ANKH: variants seen among roughly 807,000 people sequenced by gnomAD.
ANKH encodes the protein ANKH inorganic pyrophosphate transport regulator.
A neutral mutation model predicts 49.0 loss-of-function variants in ANKH; 15 were observed. That is an observed-to-expected ratio of 0.31 (90% CI 0.20 to 0.47). The LOEUF (loss-of-function observed/expected upper bound fraction) is 0.47. Among genes scored for constraint, ANKH ranks in the 20% least tolerant of loss-of-function variants. The pLI, the probability that ANKH is intolerant of heterozygous loss-of-function variation, is 1.00. For missense variants in ANKH, 429 were observed against 652.0 expected, an observed-to-expected ratio of 0.66 and a Z score of 3.72; for synonymous variants, 273 against 260.0, an observed-to-expected ratio of 1.05 and a Z score of -0.48.
chr5:14,804,853 A>G lies in ANKH; in HGVS notation c.97-35662T>C, dbSNP rs149656710. 7.9e-3 allele frequency among the ~76,000 whole-genome samples: 1,201 copies of G among 152,366 alleles called. 54 individuals carry two copies. The highest frequency in any genetic ancestry group is 0.063 in the Admixed American group (965 of 15,306). On this transcript the variant is annotated intron_variant, in intron 1 of 11. Coordinates refer to ENST00000284268, the MANE Select transcript of ANKH (RefSeq NM_054027.6). ...TCTCTGGCACATCTGGCTTTGGGAT[A>G]TTAGAGTAATCACTGGGACGTCTTG...
At chr5:14,748,675 T>G (rs967910988) in intron 6 of ANKH, among the ~76,000 whole-genome samples, 4 of 152,178 alleles carry the variant, frequency 2.6e-5, no homozygotes, top group African/African-American at 9.7e-5. Context: ...AGGTGGCACA[T>G]GCAGGATGGT....
At chr5:14,752,395 T>C (rs754359109) in intron 4 of ANKH, among the ~76,000 whole-genome samples, 1 of 152,240 alleles carries the variant, frequency 6.6e-6, no homozygotes, top group East Asian at 1.9e-4. Context: ...TACTAACCTA[T>C]AAAACTAGAA....
Position 14,716,780 on chromosome 5 carries a change from A to T in ANKH, c.1067T>A (p.Ile356Asn), listed in dbSNP as rs1314481474. ...TGCAAAGGCAAAGTCCACTCCGATG[A>T]TGTCTATCAAGATTTTCTCAGACAC... ...PNVSEKILIDIIGVDFAFAEL... is the reference protein window; with the variant it reads ...PNVSEKILIDNIGVDFAFAEL... The change falls in exon 9 of 12, where the codon ATC becomes AAC. Residue 356 changes from isoleucine to asparagine, a missense_variant. This residue lies in a region of ANKH where 378 missense variants were observed against 615.3 expected (regional missense o/e 0.61). Coordinates refer to ENST00000284268, the MANE Select transcript of ANKH (RefSeq NM_054027.6). 6.2e-7 allele frequency: 1 copy of T among 1,614,186 alleles called. No homozygotes were observed. The highest frequency in any genetic ancestry group is 1.1e-5 in the South Asian group (1 of 91,090).
Position 14,706,773 on chromosome 5 carries a change from C to G in ANKH, c.*4424G>C, listed in dbSNP as rs1193065696. ...ATGATGTTTTTTGCTGCTTCAATGACAGAAATAGAGATTCAAAATAACCAC... is the reference window on the plus strand; with the variant it reads ...ATGATGTTTTTTGCTGCTTCAATGAGAGAAATAGAGATTCAAAATAACCAC... On this transcript the variant is annotated 3_prime_UTR_variant, in exon 12 of 12. Coordinates refer to ENST00000284268, the MANE Select transcript of ANKH (RefSeq NM_054027.6). 6.6e-6 allele frequency: 1 copy of G among 152,110 alleles called. No individual in the cohort carries two copies. The highest frequency in any genetic ancestry group is 2.4e-5 in the African/African-American group (1 of 41,400). 9.4% of individuals were successfully genotyped at this position (152,110 alleles called of 1,614,324 possible).
intron 8 of ANKH, among the ~76,000 whole-genome samples, chr5:14,718,009 A>G (rs763036789): frequency 5.9e-5 from 9 of 152,180 alleles, no homozygotes; most frequent in African/African-American, 1.9e-4. Flanking sequence ...TTCCTCTTCT[A>G]CGCTCCCAGA....
intron 1 of ANKH, among the ~76,000 whole-genome samples, chr5:14,792,891 C>T (rs1220705235): frequency 6.7e-6 from 1 of 148,604 alleles, no homozygotes; most frequent in Non-Finnish European, 1.5e-5. Flanking sequence ...GCAGGAGAAT[C>T]GCTTGAACCT....
At chr5:14,840,460 C>A (rs1328478930) in intron 1 of ANKH, among the ~76,000 whole-genome samples, 2 of 152,084 alleles carry the variant, frequency 1.3e-5, no homozygotes, top group African/African-American at 4.8e-5. Context: ...ACACATTATT[C>A]TTTTCTGGAT....
chr5:14,711,031 A>C lies in ANKH; in HGVS notation c.*166T>G, dbSNP rs1334058811. The C allele has an allele frequency of 2.9e-6, 2 of 698,864 alleles. No homozygotes were observed. Among genetic ancestry groups the C allele is most frequent in the Non-Finnish European group, 5.2e-6 (2 of 384,910 alleles). The allele number at this position is 698,864 out of a possible 1,614,324, so 43.3% of individuals were successfully genotyped here. A position where few individuals can be genotyped will look rare whatever the true frequency, so the allele number is the denominator to read the frequency against. ...ACTAGGTCCCCCCGTCAGTGTGAGC[A>C]TACCCAGTATGCTAGAGAATTGACA... On this transcript the variant is annotated 3_prime_UTR_variant, in exon 12 of 12. Coordinates refer to ENST00000284268, the MANE Select transcript of ANKH (RefSeq NM_054027.6).
intron 1 of ANKH, among the ~76,000 whole-genome samples, chr5:14,861,866 T>C (rs1346414884): frequency 6.6e-6 from 1 of 152,230 alleles, no homozygotes; most frequent in African/African-American, 2.4e-5. Context: ...ACATTTTATC[T>C]AGAGGAATAA....
At chr5:14,814,338 C>G (rs1327324468) in intron 1 of ANKH, among the ~76,000 whole-genome samples, 1 of 152,214 alleles carries the variant, frequency 6.6e-6, no homozygotes, top group African/African-American at 2.4e-5. Context: ...TGGTGACACA[C>G]GCCTGTAATC....
intron 8 of ANKH, among the ~76,000 whole-genome samples, chr5:14,731,372 C>G (rs1021732034): frequency 2.6e-5 from 4 of 152,134 alleles, no homozygotes; most frequent in African/African-American, 9.7e-5. Context: ...AGCCCAAGTG[C>G]TCAGAGTAAA....
At chr5:14,817,664 G>A (rs1741078644) in intron 1 of ANKH, among the ~76,000 whole-genome samples, 1 of 152,170 alleles carries the variant, frequency 6.6e-6, no homozygotes, top group South Asian at 2.1e-4. Context: ...GTAAAAGGCT[G>A]TGAATTTCCC....
chr5:14,842,097 C>T (rs924451678), intron 1 of ANKH, among the ~76,000 whole-genome samples: 9 of 152,148 alleles, frequency 5.9e-5, no homozygotes, highest in Non-Finnish European at 8.8e-5. Flanking sequence ...TAAAATTAGA[C>T]AATTCCTAGG....
At chr5:14,732,459 A>G (rs949815816) in intron 8 of ANKH, among the ~76,000 whole-genome samples, 4 of 152,176 alleles carry the variant, frequency 2.6e-5, no homozygotes, top group Non-Finnish European at 5.9e-5. Flanking sequence ...AAATTTGAAG[A>G]CTATAAACTT....
rs77564663 is a variant in ANKH, at chr5:14,765,469, C to T, written c.313+3506G>A. 8.0e-3 allele frequency among the ~76,000 whole-genome samples: 1,221 copies of T among 152,200 alleles called. 21 individuals carry two copies. Among genetic ancestry groups the T allele is most frequent in the African/African-American group, 0.028 (1,168 of 41,502 alleles). On this transcript the variant is annotated intron_variant, in intron 2 of 11. Coordinates refer to ENST00000284268, the MANE Select transcript of ANKH (RefSeq NM_054027.6). Reference sequence around the variant, plus strand: ...GCACATTCTCTGGGGCCATCTTTCCCGCACAATCTCCACCAAGCATTCCCA... The same window carrying T: ...GCACATTCTCTGGGGCCATCTTTCCTGCACAATCTCCACCAAGCATTCCCA...
intron 1 of ANKH, among the ~76,000 whole-genome samples, chr5:14,784,167 T>C (rs1739899513): frequency 6.6e-6 from 1 of 152,280 alleles, no homozygotes; most frequent in African/African-American, 2.4e-5. Context: ...TGACTTCACA[T>C]GTTACCTTAT....
chr5:14,800,773 T>C (rs1474239343), intron 1 of ANKH, among the ~76,000 whole-genome samples: 1 of 151,072 alleles, frequency 6.6e-6, no homozygotes, highest in Non-Finnish European at 1.5e-5. Flanking sequence ...TTTGCCCAGG[T>C]TGGAGTACAG....
chr5:14,831,521 T>C (rs1348484997), intron 1 of ANKH, among the ~76,000 whole-genome samples: 1 of 152,108 alleles, frequency 6.6e-6, no homozygotes, highest in African/African-American at 2.4e-5. Flanking sequence ...ATGATCCCCC[T>C]GGGGGACGAC....
intron 1 of ANKH, among the ~76,000 whole-genome samples, chr5:14,816,910 T>G (rs1481899041): frequency 6.6e-6 from 1 of 152,220 alleles, no homozygotes; most frequent in Non-Finnish European, 1.5e-5. Flanking sequence ...GCTCGAGCTT[T>G]TACCTCGTTG....
Sources: gnomAD v4.1 joint callset for allele counts (sites outside exome capture counted in the v4.1 genomes callset) on GRCh38, gnomAD v4.1.1 for gene constraint, gnomAD v4.1.1 regional missense constraint, MANE v1.5 for transcripts, NCBI Gene and HGNC (gene_info 2026-07-23, HGNC 2026-07-21) for gene names.